The following KIAA1549L variants were observed in gnomAD, a reference collection of about 807,000 sequenced individuals.
KIAA1549L encodes UPF0606 protein KIAA1549L.
A neutral mutation model predicts 160.7 loss-of-function variants in KIAA1549L; 88 were observed. The observed-to-expected ratio is 0.55, with a 90% confidence interval of 0.46 to 0.65. The LOEUF (loss-of-function observed/expected upper bound fraction) is 0.65, where lower values mean the gene tolerates loss of function less well. KIAA1549L is among the 30% of genes least tolerant of loss of function. KIAA1549L has a pLI of 0.00. For synonymous variants in KIAA1549L, 950 were observed against 976.7 expected (o/e 0.97, Z 0.51); for missense variants, 2,258 against 2,437.5 (o/e 0.93, Z 1.55).
chr11:33,631,367 T>G (rs555149093), intron 16 of KIAA1549L, among the ~76,000 whole-genome samples: 1 of 152,332 alleles, frequency 6.6e-6, no homozygotes, highest in African/African-American at 2.4e-5. Flanking sequence ...GGTTTTTGCA[T>G]GCATGCATCA....
chr11:33,580,610 A>AAAAC (rs1855607467), intron 10 of KIAA1549L, among the ~76,000 whole-genome samples: 1 of 151,752 alleles, frequency 6.6e-6, no homozygotes, highest in Admixed American at 6.6e-5. Context: ...AAGAAAAAAA[A>AAAAC]AGCCACTTAA....
intron 6 of KIAA1549L, among the ~76,000 whole-genome samples, chr11:33,558,706 G>A (rs916429425): frequency 1.3e-5 from 2 of 152,092 alleles, no homozygotes; most frequent in Admixed American, 6.6e-5. Flanking sequence ...AACTAGCTTC[G>A]ACAAAATGTG....
intron 10 of KIAA1549L, among the ~76,000 whole-genome samples, chr11:33,575,821 G>A (rs529437055): frequency 3.3e-5 from 5 of 152,282 alleles, no homozygotes; most frequent in Non-Finnish European, 7.4e-5. Context: ...TAAGGGAATT[G>A]GAAAGGTGTA....
At chr11:33,526,415 T>G (rs1267709791) in intron 1 of KIAA1549L, among the ~76,000 whole-genome samples, 1 of 151,848 alleles carries the variant, frequency 6.6e-6, no homozygotes, top group Non-Finnish European at 1.5e-5. Context: ...TCCCACAGAG[T>G]CCACTTCACT....
At chr11:33,399,062 C>A (rs1191278868) in intron 1 of KIAA1549L, among the ~76,000 whole-genome samples, 1 of 151,734 alleles carries the variant, frequency 6.6e-6, no homozygotes, top group Non-Finnish European at 1.5e-5. Context: ...AAGTAAGTCT[C>A]CTGCCTCAGC....
chr11:33,584,695 C>T (rs1351671295), intron 11 of KIAA1549L, among the ~76,000 whole-genome samples: 6 of 152,206 alleles, frequency 3.9e-5, no homozygotes, highest in Admixed American at 3.3e-4. Flanking sequence ...CCTCATTTTA[C>T]TGCCAAAACA....
At chr11:33,427,948 T>TCATTTC in intron 1 of KIAA1549L, among the ~76,000 whole-genome samples, 1 of 152,388 alleles carries the variant, frequency 6.6e-6, no homozygotes, top group African/African-American at 2.4e-5. Context: ...CATCAGAATT[T>TCATTTC]CATTTCCTTT....
intron 1 of KIAA1549L, among the ~76,000 whole-genome samples, chr11:33,435,310 T>G (rs559707216): frequency 6.6e-6 from 1 of 152,250 alleles, no homozygotes; most frequent in East Asian, 1.9e-4. Flanking sequence ...GTTCAGCAAG[T>G]TCAAAGGCAC....
At chr11:33,612,663 ACTT>A (rs563750977) in intron 15 of KIAA1549L, among the ~76,000 whole-genome samples, 353 of 151,922 alleles carry the variant, frequency 2.3e-3, no homozygotes, top group Non-Finnish European at 4.1e-3. Context: ...ATATCGATAA[ACTT>A]CTGTCATGGG....
intron 13 of KIAA1549L, among the ~76,000 whole-genome samples, chr11:33,603,084 A>T (rs1287251430): frequency 6.6e-6 from 1 of 152,082 alleles, no homozygotes; most frequent in Non-Finnish European, 1.5e-5. Context: ...CATGACTTTA[A>T]CTTCTGCATG....
intron 1 of KIAA1549L, among the ~76,000 whole-genome samples, chr11:33,382,713 T>A (rs1850095982): frequency 6.6e-6 from 1 of 152,176 alleles, no homozygotes; most frequent in Non-Finnish European, 1.5e-5. Flanking sequence ...TCTTACAAGA[T>A]GTCCCAAATC....
intron 1 of KIAA1549L, among the ~76,000 whole-genome samples, chr11:33,504,390 T>G (rs2133093160): frequency 6.6e-6 from 1 of 152,348 alleles, no homozygotes; most frequent in Admixed American, 6.5e-5. Flanking sequence ...TTATTTTATT[T>G]AATTTTTATA....
chr11:33,447,584 TAGTC>T (rs972121650), intron 1 of KIAA1549L, among the ~76,000 whole-genome samples: 43 of 146,266 alleles, frequency 2.9e-4, no homozygotes, highest in African/African-American at 1.0e-3. Context: ...CCCACCTATC[TAGTC>T]AGTTTTTATT....
At chr11:33,440,505 A>G (rs1296121375) in intron 1 of KIAA1549L, among the ~76,000 whole-genome samples, 1 of 152,228 alleles carries the variant, frequency 6.6e-6, no homozygotes, top group Non-Finnish European at 1.5e-5. Flanking sequence ...AAACATGTGT[A>G]TTAATTTAAC....
At chr11:33,610,211 G>T (rs1449097725) in intron 15 of KIAA1549L, among the ~76,000 whole-genome samples, 1 of 151,542 alleles carries the variant, frequency 6.6e-6, no homozygotes, top group East Asian at 1.9e-4. Context: ...CAGCTTAATG[G>T]TATTTTCAAA....
intron 17 of KIAA1549L, among the ~76,000 whole-genome samples, chr11:33,652,612 T>G (rs1415486926): frequency 6.6e-6 from 1 of 152,100 alleles, no homozygotes; most frequent in Non-Finnish European, 1.5e-5. Flanking sequence ...TCCAACAACC[T>G]GAGATAAAAA....
intron 11 of KIAA1549L, among the ~76,000 whole-genome samples, chr11:33,584,314 T>C (rs1221919580): frequency 6.6e-6 from 1 of 152,188 alleles, no homozygotes; most frequent in African/African-American, 2.4e-5. Context: ...GAGCACATGC[T>C]TGGTTGGAGT....
chr11:33,392,540 T>C (rs1326999023), intron 1 of KIAA1549L, among the ~76,000 whole-genome samples: 2 of 152,224 alleles, frequency 1.3e-5, no homozygotes, highest in Non-Finnish European at 2.9e-5. Context: ...TGTATACACC[T>C]GTGTATCCCA....
At chr11:33,654,216 C>T (rs1851985204) in intron 17 of KIAA1549L, among the ~76,000 whole-genome samples, 1 of 152,214 alleles carries the variant, frequency 6.6e-6, no homozygotes, top group African/African-American at 2.4e-5. Context: ...TCGTGATCTG[C>T]CCGCCTCAGC....
Sources: gnomAD v4.1 joint callset for allele counts (sites outside exome capture counted in the v4.1 genomes callset) on GRCh38, gnomAD v4.1.1 for gene constraint, MANE v1.5 for transcripts, NCBI Gene and HGNC (gene_info 2026-07-23, HGNC 2026-07-21) for gene names.